The following G6PC3 variants were observed in gnomAD, a reference collection of about 807,000 sequenced individuals.
The protein encoded by G6PC3 is glucose-6-phosphatase catalytic subunit 3, also known as glucose-6-phosphatase 3.
In G6PC3, 30 loss-of-function variants were observed where a neutral mutation model predicts 38.6. The ratio of observed to expected loss-of-function variants is 0.78; its 90% CI spans 0.58 to 1.05. G6PC3 has a LOEUF of 1.05. G6PC3 is among the 50% of genes least tolerant of loss of function. The pLI is 0.00. For missense variants in G6PC3, 377 were observed against 443.1 expected, an observed-to-expected ratio of 0.85 and a Z score of 1.34; for synonymous variants, 192 against 178.1, an observed-to-expected ratio of 1.08 and a Z score of -0.62.
In G6PC3 at chr17:44,074,781, G is replaced by A; in HGVS notation, c.416+11G>A. 1.9e-6 allele frequency: 3 copies of A among 1,612,242 alleles called. No individual in the cohort carries two copies. The highest frequency in any genetic ancestry group is 2.2e-5 in the East Asian group (1 of 44,834). On this transcript the variant is annotated intron_variant, in intron 3 of 5. Transcript: ENST00000269097. Reference sequence around the variant, plus strand: ...CACTCGGGCCCGCAGGTATACCCTTGGCATTGCCCACCATTGGGAGCAGGG... The same window carrying A: ...CACTCGGGCCCGCAGGTATACCCTTAGCATTGCCCACCATTGGGAGCAGGG...
At position 44,076,174 on chromosome 17, in the gene G6PC3, C is replaced by T. The variant is rs757532923; in HGVS notation, c.*131C>T. ...CCCCTCCCTAAATCTGCTTCCGCAC[C>T]ACCTGGTCTTAGCCCCAAAGATGGG... On this transcript the variant is annotated 3_prime_UTR_variant, in exon 6 of 6. Transcript: ENST00000269097. 1 of 1,232,988 alleles carries T rather than the reference C, an allele frequency of 8.1e-7. No individual in the cohort carries two copies. Among genetic ancestry groups the T allele is most frequent in the Non-Finnish European group, 1.2e-6 (1 of 847,862 alleles). 76.4% of individuals were successfully genotyped at this position (1,232,988 alleles called of 1,614,324 possible). A position where few individuals can be genotyped will look rare whatever the true frequency, so the allele number is the denominator to read the frequency against.
At position 44,074,208 on chromosome 17, in the gene G6PC3, CTA is replaced by C. The variant is rs2050032610; in HGVS notation, c.268_269del (p.Tyr90GlnfsTer15). 6.2e-7 allele frequency: 1 copy of C among 1,613,894 alleles called. No individual in the cohort carries two copies. Among genetic ancestry groups the C allele is most frequent in the Non-Finnish European group, 8.5e-7 (1 of 1,179,962 alleles). ...PFWWVHESGY[Y>X]SQAPAQVHQF... The stretch of plus-strand genomic sequence containing the variant: ...TTTGGTGGGTCCATGAGTCTGGTTA[CTA>C]CAGCCAGGCTCCAGCCCAGGTTCAC... On this transcript the variant is annotated frameshift_variant, in exon 2 of 6. Coordinates refer to ENST00000269097, the MANE Select transcript of G6PC3 (RefSeq NM_138387.4). LOFTEE classifies it high-confidence loss of function.
Position 44,076,071 on chromosome 17 carries a change from C to A in G6PC3, c.*28C>A. On this transcript the variant is annotated 3_prime_UTR_variant, in exon 6 of 6. Transcript: ENST00000269097. ...TCTTGTGTGCCTCCCTTTCCTTTCCCTCCCACAAAGCCAACACTCTGTGAC... is the reference window on the plus strand; with the variant it reads ...TCTTGTGTGCCTCCCTTTCCTTTCCATCCCACAAAGCCAACACTCTGTGAC... 6.2e-7 allele frequency: 1 copy of A among 1,610,348 alleles called. No homozygotes were observed. The highest frequency in any genetic ancestry group is 1.1e-5 in the South Asian group (1 of 90,978).
chr17:44,072,059 T>C (rs944616956), intron 1 of G6PC3: 8 of 235,598 alleles, frequency 3.4e-5, no homozygotes, highest in Non-Finnish European at 5.3e-5. Flanking sequence ...TAGGAGGTAT[T>C]TCAATGAGCT....
At chr17:44,075,556 C>G (rs915701410) in intron 5 of G6PC3, 105 bp downstream of exon 5, 8 of 1,597,132 alleles carry the variant, frequency 5.0e-6, no homozygotes, top group African/African-American at 2.7e-5. Context: ...GACACATTAC[C>G]TATTCACATA....
At position 44,075,780 on chromosome 17, in the gene G6PC3, G is replaced by A. The variant is rs200478425; in HGVS notation, c.778G>A (p.Gly260Ser). 6.2e-7 allele frequency: 1 copy of A among 1,612,192 alleles called. No homozygotes were observed. Among genetic ancestry groups the A allele is most frequent in the Admixed American group, 1.7e-5 (1 of 60,028 alleles). Reference sequence around the variant, plus strand: ...GAGCCGTGACTCAGGGGCTGCCCTGGGCCTGGGCATTGCCTTGCACTCTCC... The same window carrying A: ...GAGCCGTGACTCAGGGGCTGCCCTGAGCCTGGGCATTGCCTTGCACTCTCC... ...SLSRDSGAAL[G>S]LGIALHSPCY... Residue 260 changes from glycine to serine, a missense_variant, in exon 6 of 6, where the codon GGC becomes AGC. Gly to Ser is a moderately conservative substitution (Grantham distance 56, BLOSUM62 0). Transcript: ENST00000269097.
In G6PC3 at chr17:44,071,136, G is replaced by T. The variant is rs759787635; in HGVS notation, c.171G>T (p.Val57=). The change falls in exon 1 of 6, where the codon GTG becomes GTT. Residue 57 remains valine (V), a synonymous_variant. Transcript: ENST00000269097. ...YYASRRVGIA[V]LWISLITEWL... is the part of the protein sequence containing the mutation. ...CCTCCCGCCGTGTGGGCATCGCGGT[G>T]CTCTGGATCAGCCTCATCACCGAGT... 1.2e-6 allele frequency: 2 copies of T among 1,613,994 alleles called. No individual in the cohort carries two copies. The highest frequency in any genetic ancestry group is 1.7e-6 in the Non-Finnish European group (2 of 1,180,008).
At position 44,076,176 on chromosome 17, in the gene G6PC3, C is replaced by A; in HGVS notation, c.*133C>A. On this transcript the variant is annotated 3_prime_UTR_variant, in exon 6 of 6. Coordinates refer to ENST00000269097, the MANE Select transcript of G6PC3 (RefSeq NM_138387.4). ...CCTCCCTAAATCTGCTTCCGCACCA[C>A]CTGGTCTTAGCCCCAAAGATGGGCC... The A allele has an allele frequency of 8.2e-7, 1 of 1,221,470 alleles. No individual in the cohort carries two copies. Among genetic ancestry groups the A allele is most frequent in the Non-Finnish European group, 1.2e-6 (1 of 837,550 alleles). 75.7% of individuals were successfully genotyped at this position (1,221,470 alleles called of 1,614,324 possible). A position where few individuals can be genotyped will look rare whatever the true frequency, so the allele number is the denominator to read the frequency against.
chr17:44,074,403 G>A, intron 2 of G6PC3, 137 bp downstream of exon 2: 2 of 795,564 alleles, frequency 2.5e-6, no homozygotes, highest in African/African-American at 1.7e-5. Context: ...AAGAACCCCA[G>A]GGAGACCAAG....
chr17:44,071,918 C>T (rs551511891), intron 1 of G6PC3: 7 of 330,754 alleles, frequency 2.1e-5, no homozygotes, highest in African/African-American at 1.3e-4. Flanking sequence ...CACACTGAGA[C>T]TTAGAAGCCA....
At chr17:44,070,732 C>T (rs1017611442), upstream of G6PC3, 9 of 604,934 alleles carry the variant, frequency 1.5e-5, no homozygotes, top group Non-Finnish European at 1.5e-5. Flanking sequence ...CCCTGCGCTG[C>T]CCAGTAGGGA....
intron 2 of G6PC3, 74 bp downstream of exon 2, chr17:44,074,340 C>G: frequency 8.4e-7 from 1 of 1,189,898 alleles, no homozygotes; most frequent in Admixed American, 1.7e-5. Flanking sequence ...TACTTTTCAG[C>G]CTGGGTGGCC....
intron 1 of G6PC3, chr17:44,073,054 T>G (rs1238055072): frequency 1.3e-5 from 2 of 152,370 alleles, no homozygotes; most frequent in Non-Finnish European, 2.9e-5. Flanking sequence ...TGCCAGCATC[T>G]CTTTTGCTAT....
rs529935686 is a variant in G6PC3, at chr17:44,075,701, G to A, written c.699G>A (p.Lys233=). 2.0e-5 allele frequency: 33 copies of A among 1,612,238 alleles called. No homozygotes were observed. The African/African-American group carries it at 3.9e-4, about 19-fold the overall frequency. The change falls in exon 6 of 6, where the codon AAG becomes AAA. Residue 233 remains lysine (K), a synonymous_variant. Coordinates refer to ENST00000269097, the MANE Select transcript of G6PC3 (RefSeq NM_138387.4). ...DLSWSISLAF[K]WCERPEWIHV... is the part of the protein sequence containing the mutation. ...ACAGGTCCATCAGCCTAGCCTTCAAGTGGTGTGAGCGGCCTGAGTGGATAC... is the reference window on the plus strand; with the variant it reads ...ACAGGTCCATCAGCCTAGCCTTCAAATGGTGTGAGCGGCCTGAGTGGATAC...
intron 1 of G6PC3, chr17:44,073,043 C>A (rs1185853708): frequency 1.3e-5 from 2 of 152,376 alleles, no homozygotes; most frequent in East Asian, 3.8e-4. Flanking sequence ...ACGTGGCTTC[C>A]TGCCAGCATC....
intron 1 of G6PC3, chr17:44,073,543 C>T (rs928433446): frequency 6.4e-6 from 1 of 156,986 alleles, no homozygotes; most frequent in African/African-American, 2.4e-5. Flanking sequence ...TCACTGCAGC[C>T]TCAACCTCCT....
At chr17:44,074,918 G>A in intron 3 of G6PC3, 51 bp from the exon 4 acceptor site, 2 of 1,527,304 alleles carry the variant, frequency 1.3e-6, no homozygotes, top group Non-Finnish European at 1.8e-6. Context: ...GCTGCAGGAG[G>A]CCAAGCTGTG....
chr17:44,074,668 A>C lies in G6PC3; in HGVS notation c.326-12A>C. ...CCATCTTCTCACCACGAGCTTCTGG[A>C]TTTGCTGGCAGGCAGCCCTTCTGGA... On this transcript the variant is annotated splice_polypyrimidine_tract_variant and intron_variant, in intron 2 of 5. Coordinates refer to ENST00000269097, the MANE Select transcript of G6PC3 (RefSeq NM_138387.4). 1 of 1,613,884 alleles carries C rather than the reference A, an allele frequency of 6.2e-7. No homozygotes were observed. Among genetic ancestry groups the C allele is most frequent in the Non-Finnish European group, 8.5e-7 (1 of 1,179,796 alleles).
rs769391409 is a variant in G6PC3, at chr17:44,071,090, A to C, written c.125A>C (p.Tyr42Ser). The part of the protein sequence containing the change: ...LGDPKILFLF[Y>S]FPAAYYASRR... ...GATCCCAAGATCCTCTTTCTGTTCT[A>C]CTTCCCCGCGGCCTACTACGCCTCC... Residue 42 changes from tyrosine (Y) to serine (S), a missense_variant, in exon 1 of 6, where the codon TAC (tyrosine) becomes TCC (serine). Tyr to Ser is a moderately radical substitution (Grantham distance 144). Transcript: ENST00000269097. 3 of 1,613,600 alleles carry C rather than the reference A, an allele frequency of 1.9e-6. No homozygotes were observed. The highest frequency in any genetic ancestry group is 3.3e-5 in the Admixed American group (2 of 59,978).
Sources: allele counts gnomAD v4.1 joint callset, GRCh38; gene constraint gnomAD v4.1.1; transcripts MANE v1.5; gene names NCBI Gene and HGNC (gene_info 2026-07-23, HGNC 2026-07-21).